SUSD1: variants seen among roughly 807,000 people sequenced by gnomAD.
SUSD1 encodes the protein sushi domain containing 1, also known as sushi domain-containing protein 1.
In SUSD1, 65 loss-of-function variants were observed where a neutral mutation model predicts 86.9. The observed-to-expected ratio is 0.75, with a 90% CI of 0.61 to 0.92. The LOEUF is 0.92. Among genes scored for constraint, SUSD1 ranks in the 40% least tolerant of loss-of-function variants. The pLI is 0.00. For missense variants in SUSD1, 850 were observed against 929.7 expected, an observed-to-expected ratio of 0.91 and a Z score of 1.11; for synonymous variants, 346 against 350.0, an observed-to-expected ratio of 0.99 and a Z score of 0.13.
In SUSD1 at chr9:112,111,837, A is replaced by C; in HGVS notation, c.988T>G (p.Ser330Ala). 6.2e-7 allele frequency: 1 copy of C among 1,613,646 alleles called. No individual in the cohort carries two copies. The highest frequency in any genetic ancestry group is 8.5e-7 in the Non-Finnish European group (1 of 1,179,848). ...GGGTCCAACCGTTGTCCTTTTATGGATATCTTTGAGAGGAAAAGACAAGAG... is the reference window on the plus strand; with the variant it reads ...GGGTCCAACCGTTGTCCTTTTATGGCTATCTTTGAGAGGAAAAGACAAGAG... ...RINPKISYVI[S>A]IKGQRLDPME... The change falls in exon 8 of 17, where the codon TCC becomes GCC. Residue 330 changes from serine to alanine, a missense_variant. Ser to Ala is a moderately conservative substitution (Grantham distance 99). Transcript: ENST00000374270.
At chr9:112,112,078 T>A (rs1006004126) in intron 7 of SUSD1, 4 of 396,746 alleles carry the variant, frequency 1.0e-5, no homozygotes, top group African/African-American at 8.2e-5. Context: ...ACACAAATGA[T>A]CAAATGGAGA....
intron 3 of SUSD1, among the ~76,000 whole-genome samples, chr9:112,148,479 CAG>C (rs1371343009): frequency 6.6e-6 from 1 of 152,124 alleles, no homozygotes; most frequent in African/African-American, 2.4e-5. Flanking sequence ...TGTGAGCCAA[CAG>C]CCGGGTGCCA....
chr9:112,129,863 G>A (rs997192446), intron 5 of SUSD1, among the ~76,000 whole-genome samples: 2 of 152,144 alleles, frequency 1.3e-5, no homozygotes, highest in South Asian at 2.1e-4. Flanking sequence ...ATGCTGCTAC[G>A]ATATGCCAAC....
At chr9:112,119,943 AACAGGAAGATGAACAGTGAAAACAGG>A (rs1316203137) in intron 6 of SUSD1, among the ~76,000 whole-genome samples, 4 of 152,184 alleles carry the variant, frequency 2.6e-5, no homozygotes, top group Admixed American at 2.6e-4. Context: ...TTTGGAACTA[AACAGGAAGATGAACAGTGAAAACAGG>A]ACAGAGGTAG....
At chr9:112,141,654 G>A (rs971444469) in intron 5 of SUSD1, among the ~76,000 whole-genome samples, 1 of 149,292 alleles carries the variant, frequency 6.7e-6, no homozygotes, top group African/African-American at 2.5e-5. Flanking sequence ...TGCAGACTGG[G>A]TGACAAAGCG....
intron 6 of SUSD1, among the ~76,000 whole-genome samples, chr9:112,122,962 G>T (rs982163496): frequency 2.0e-5 from 3 of 152,188 alleles, no homozygotes; most frequent in Non-Finnish European, 4.4e-5. Flanking sequence ...TGTGGGGAGG[G>T]GCAAATGGGG....
chr9:112,168,967 C>T lies in SUSD1; in HGVS notation c.103+6166G>A, dbSNP rs569233349. ...CAAACAACGGGAGGAAATAAGCCAA[C>T]GGGGCCCAAAACTCAGGAAGAAAAA... On this transcript the variant is annotated intron_variant, in intron 1 of 16. Coordinates refer to ENST00000374270, the MANE Select transcript of SUSD1 (RefSeq NM_022486.5). 4.6e-5 allele frequency among the ~76,000 whole-genome samples: 7 copies of T among 152,278 alleles called. No individual in the cohort carries two copies. The East Asian group carries it at 5.8e-4, about 13-fold the overall frequency.
chr9:112,084,937 T>A (rs1172498651), intron 10 of SUSD1, among the ~76,000 whole-genome samples: 1 of 152,216 alleles, frequency 6.6e-6, no homozygotes, highest in Non-Finnish European at 1.5e-5. Flanking sequence ...AAGCGACTCT[T>A]GGCAAAATCA....
chr9:112,080,002 A>T, intron 11 of SUSD1, 72 bp downstream of exon 11: 1 of 1,046,088 alleles, frequency 9.6e-7, no homozygotes, highest in Non-Finnish European at 1.5e-6. Flanking sequence ...GTAGATTTTT[A>T]GGTTTGTGGG....
chr9:112,046,090 C>T (rs1278029029), intron 15 of SUSD1, among the ~76,000 whole-genome samples: 1 of 152,182 alleles, frequency 6.6e-6, no homozygotes, highest in Non-Finnish European at 1.5e-5. Context: ...ATGATTCTTG[C>T]TGGTAGATCA....
chr9:112,135,128 G>A (rs940086093), intron 5 of SUSD1, among the ~76,000 whole-genome samples: 1 of 152,038 alleles, frequency 6.6e-6, no homozygotes. Context: ...GTTATAGTTT[G>A]CCATGAAGCA....
intron 2 of SUSD1, among the ~76,000 whole-genome samples, chr9:112,154,867 C>T (rs1420156622): frequency 1.3e-5 from 2 of 152,132 alleles, no homozygotes; most frequent in Non-Finnish European, 2.9e-5. Context: ...GGCCAAGCAT[C>T]GGGATGCACA....
intron 6 of SUSD1, among the ~76,000 whole-genome samples, chr9:112,121,103 C>G (rs1233854354): frequency 2.6e-5 from 4 of 152,190 alleles, no homozygotes; most frequent in Admixed American, 6.5e-5. Flanking sequence ...ACTGGACCCC[C>G]CTAGAGTCTT....
At chr9:112,106,337 C>T (rs986957828) in intron 8 of SUSD1, among the ~76,000 whole-genome samples, 4 of 151,994 alleles carry the variant, frequency 2.6e-5, no homozygotes, top group East Asian at 1.9e-4. Context: ...CAGTTCCCAA[C>T]GTCAATAAGA....
intron 13 of SUSD1, among the ~76,000 whole-genome samples, chr9:112,062,463 G>C (rs1339735272): frequency 6.6e-6 from 1 of 152,192 alleles, no homozygotes; most frequent in Non-Finnish European, 1.5e-5. Context: ...GGGAGGTTGA[G>C]GCTGGTGGAT....
In SUSD1 at chr9:112,116,918, T is replaced by C. The variant is rs144750121; in HGVS notation, c.887-4050A>G. ...ACTTTGAGAGGCCGAGGCAGACGGA[T>C]TACTTGAGGCCAGGAGTTCAAGACC... is the stretch of plus-strand genomic sequence containing the variant. On this transcript the variant is annotated intron_variant, in intron 6 of 16. Transcript: ENST00000374270. Among the ~76,000 whole-genome samples the C allele has an allele frequency of 2.1e-3, 319 of 152,226 alleles. 3 individuals carry two copies. Among genetic ancestry groups the C allele is most frequent in the African/African-American group, 7.3e-3 (305 of 41,544 alleles).
intron 5 of SUSD1, among the ~76,000 whole-genome samples, chr9:112,139,410 A>C (rs1212906063): frequency 1.3e-5 from 2 of 152,210 alleles, no homozygotes; most frequent in African/African-American, 4.8e-5. Flanking sequence ...ACTGATCATT[A>C]TCAGGAAATC....
intron 1 of SUSD1, among the ~76,000 whole-genome samples, chr9:112,159,441 G>A (rs931842117): frequency 5.9e-5 from 9 of 152,042 alleles, no homozygotes; most frequent in African/African-American, 2.2e-4. Flanking sequence ...AAGACAAACC[G>A]CTAATCATCA....
At chr9:112,149,085 A>C (rs1213672491) in intron 3 of SUSD1, among the ~76,000 whole-genome samples, 159 bp downstream of exon 3, 1 of 152,180 alleles carries the variant, frequency 6.6e-6, no homozygotes, top group Non-Finnish European at 1.5e-5. Flanking sequence ...TAGATACCTC[A>C]GCATGCATCT....
Sources: allele counts gnomAD v4.1 joint callset (sites outside exome capture counted in the v4.1 genomes callset), GRCh38; gene constraint gnomAD v4.1.1; transcripts MANE v1.5; gene names NCBI Gene and HGNC (gene_info 2026-07-23, HGNC 2026-07-21).